LRRC4C: variants seen among roughly 807,000 people sequenced by gnomAD.
LRRC4C encodes the protein leucine-rich repeat-containing protein 4C.
Under a neutral mutation model 33.6 loss-of-function variants are expected in LRRC4C, and 5 were observed. The ratio of observed to expected loss-of-function variants is 0.15; its 90% CI spans 0.08 to 0.31. LRRC4C has a LOEUF of 0.31. LRRC4C is among the 10% of genes least tolerant of loss of function. The pLI is 1.00. For missense variants in LRRC4C, 560 were observed against 796.7 expected (o/e 0.70, Z 3.58); for synonymous variants, 329 against 302.0 (o/e 1.09, Z -0.93).
intron 1 of LRRC4C, among the ~76,000 whole-genome samples, chr11:40,953,221 A>G (rs1386882824): frequency 1.3e-5 from 2 of 152,014 alleles, no homozygotes; most frequent in African/African-American, 4.8e-5. Context: ...ATGGAAATAA[A>G]GTAAGGGAGT....
rs531987015 is a variant in LRRC4C at position 41,284,799 on chromosome 11, C to A, written c.-496+174632G>T. 7.2e-5 allele frequency among the ~76,000 whole-genome samples: 11 copies of A among 152,282 alleles called. 1 individual carries two copies. The highest frequency in any genetic ancestry group is 2.4e-4 in the African/African-American group (10 of 41,568). On this transcript the variant is annotated intron_variant, in intron 1 of 6. Coordinates refer to ENST00000528697, the MANE Select transcript of LRRC4C (RefSeq NM_001258419.2). ...AATCCATAGCCACAGTTTATTAAAA[C>A]CATTGATTTCCCCTAATGCTGTCTT...
chr11:41,186,312 C>A (rs946503716), intron 1 of LRRC4C, among the ~76,000 whole-genome samples: 3 of 152,128 alleles, frequency 2.0e-5, no homozygotes, highest in Admixed American at 1.3e-4. Context: ...ATATTGAAGG[C>A]AGCAACCAAT....
At chr11:41,164,661 T>C (rs1272103567) in intron 1 of LRRC4C, among the ~76,000 whole-genome samples, 5 of 152,052 alleles carry the variant, frequency 3.3e-5, no homozygotes, top group African/African-American at 4.8e-5. Context: ...CACTGGGCAA[T>C]AGGAATTTTT....
At chr11:41,405,997 C>G (rs1255757985) in intron 1 of LRRC4C, among the ~76,000 whole-genome samples, 1 of 152,114 alleles carries the variant, frequency 6.6e-6, no homozygotes, top group East Asian at 1.9e-4. Context: ...GGACAGCTGT[C>G]TCCCTAGAAG....
At chr11:40,551,907 T>C (rs188556714) in intron 3 of LRRC4C, among the ~76,000 whole-genome samples, 2 of 152,210 alleles carry the variant, frequency 1.3e-5, no homozygotes, top group Non-Finnish European at 2.9e-5. Flanking sequence ...TGTTTAAAGA[T>C]GAGATTAACA....
chr11:41,071,667 G>A (rs1198101218), intron 1 of LRRC4C, among the ~76,000 whole-genome samples: 1 of 152,140 alleles, frequency 6.6e-6, no homozygotes, highest in Non-Finnish European at 1.5e-5. Context: ...TCATTCTTCA[G>A]CCCATGGGCC....
chr11:41,448,118 G>A (rs1350164225), intron 1 of LRRC4C, among the ~76,000 whole-genome samples: 1 of 28,666 alleles, frequency 3.5e-5, no homozygotes, highest in African/African-American at 1.5e-4. Context: ...TGCTGCACAC[G>A]TCTGTTTTTT....
At position 41,017,131 on chromosome 11, in the gene LRRC4C, C is replaced by CA. The variant is rs1372744469; in HGVS notation, c.-495-83409dup. 2.6e-5 allele frequency among the ~76,000 whole-genome samples: 4 copies of CA among 152,028 alleles called. No homozygotes were observed. In the East Asian group the frequency reaches 5.8e-4, roughly 22 times the overall value. On this transcript the variant is annotated intron_variant, in intron 1 of 6. Transcript: ENST00000528697. Reference sequence around the variant, plus strand: ...GTTTCTTTCTTATGGTGAACAAGAGCAAAAATAAAATTATTTCACAAGTTC... The same window carrying CA: ...GTTTCTTTCTTATGGTGAACAAGAGCAAAAAATAAAATTATTTCACAAGTTC...
At chr11:41,322,306 C>A (rs1039897601) in intron 1 of LRRC4C, among the ~76,000 whole-genome samples, 1 of 151,984 alleles carries the variant, frequency 6.6e-6, no homozygotes, top group Admixed American at 6.6e-5. Flanking sequence ...TTTTCCCTCA[C>A]TTTGAACTTA....
At chr11:40,794,007 G>A (rs765009022) in intron 2 of LRRC4C, among the ~76,000 whole-genome samples, 18 of 151,870 alleles carry the variant, frequency 1.2e-4, no homozygotes, top group Non-Finnish European at 2.2e-4. Flanking sequence ...AAGCTGACTA[G>A]GCTTCTTCAT....
At chr11:40,672,511 G>A (rs1944179366) in intron 2 of LRRC4C, among the ~76,000 whole-genome samples, 1 of 152,136 alleles carries the variant, frequency 6.6e-6, no homozygotes, top group Admixed American at 6.5e-5. Flanking sequence ...CATTAGAAGT[G>A]ATATCATCAT....
At chr11:41,120,261 A>T (rs1942352413) in intron 1 of LRRC4C, among the ~76,000 whole-genome samples, 2 of 152,298 alleles carry the variant, frequency 1.3e-5, no homozygotes, top group Admixed American at 6.5e-5. Flanking sequence ...TTTTCTTTTC[A>T]TTCATCCAAC....
At chr11:41,251,638 G>C (rs1271162640) in intron 1 of LRRC4C, among the ~76,000 whole-genome samples, 1 of 152,166 alleles carries the variant, frequency 6.6e-6, no homozygotes, top group Non-Finnish European at 1.5e-5. Context: ...TTGTGAAACA[G>C]CCCGGACTAA....
chr11:40,550,112 C>G (rs1258348319), intron 3 of LRRC4C, among the ~76,000 whole-genome samples: 1 of 152,014 alleles, frequency 6.6e-6, no homozygotes, highest in Non-Finnish European at 1.5e-5. Flanking sequence ...TTACAGATAT[C>G]AAGGGATCTG....
intron 2 of LRRC4C, among the ~76,000 whole-genome samples, chr11:40,800,564 T>C (rs761178458): frequency 1.2e-4 from 18 of 152,210 alleles, no homozygotes; most frequent in Non-Finnish European, 2.5e-4. Flanking sequence ...ATATTGACAA[T>C]GGCCTTATAA....
intron 1 of LRRC4C, among the ~76,000 whole-genome samples, chr11:40,981,647 A>G (rs1193550501): frequency 6.6e-6 from 1 of 152,178 alleles, no homozygotes; most frequent in Non-Finnish European, 1.5e-5. Flanking sequence ...TTAAAATACC[A>G]TCATTTAGAG....
At chr11:41,424,432 T>C (rs1428579794) in intron 1 of LRRC4C, among the ~76,000 whole-genome samples, 3 of 152,052 alleles carry the variant, frequency 2.0e-5, no homozygotes, top group Non-Finnish European at 2.9e-5. Context: ...CAATTGGAAG[T>C]ACCTCAAGTA....
chr11:40,810,375 C>T (rs1951437309), intron 2 of LRRC4C, among the ~76,000 whole-genome samples: 1 of 152,128 alleles, frequency 6.6e-6, no homozygotes, highest in South Asian at 2.1e-4. Context: ...TGTAGGAGTA[C>T]CCCAACACTG....
intron 1 of LRRC4C, among the ~76,000 whole-genome samples, chr11:41,109,354 T>A (rs1941696373): frequency 6.6e-6 from 1 of 152,040 alleles, no homozygotes; most frequent in Non-Finnish European, 1.5e-5. Context: ...AAATCACAAA[T>A]CAAGCAGTTG....
Sources: allele counts gnomAD v4.1 joint callset (sites outside exome capture counted in the v4.1 genomes callset), GRCh38; gene constraint gnomAD v4.1.1; transcripts MANE v1.5; gene names NCBI Gene and HGNC (gene_info 2026-07-23, HGNC 2026-07-21).